The following EMC3 variants were observed in gnomAD, a reference collection of about 807,000 sequenced individuals.
The protein encoded by EMC3 is ER membrane protein complex subunit 3, also known as 30 kDa protein.
A neutral mutation model predicts 36.6 loss-of-function variants in EMC3; 13 were observed. The observed-to-expected ratio is 0.35, with a 90% CI of 0.23 to 0.56. The LOEUF (loss-of-function observed/expected upper bound fraction) is 0.56. Among genes scored for constraint, EMC3 ranks in the 20% least tolerant of loss-of-function variants. The probability of loss-of-function intolerance (pLI) is 0.84; values close to 1 mark genes in which losing one functional copy is unlikely to be tolerated. For missense variants in EMC3, 220 were observed against 324.5 expected (o/e 0.68, Z 2.47); for synonymous variants, 120 against 111.9 (o/e 1.07, Z -0.46).
At chr3:9,972,764 T>TG (rs2085800360) in intron 5 of EMC3, among the ~76,000 whole-genome samples, 1 of 149,734 alleles carries the variant, frequency 6.7e-6, no homozygotes, top group Non-Finnish European at 1.5e-5. Context: ...GACTCCGTCT[T>TG]GAAAAAAAAA....
chr3:10,005,749 G>A (rs1246891128), intron 1 of EMC3, among the ~76,000 whole-genome samples: 2 of 152,118 alleles, frequency 1.3e-5, no homozygotes, highest in African/African-American at 4.8e-5. Context: ...TGGTGGCCAT[G>A]GGATTTCAGG....
intron 1 of EMC3, chr3:10,009,761 C>A (rs1395603257): frequency 6.6e-6 from 1 of 152,334 alleles, no homozygotes; most frequent in African/African-American, 2.4e-5. Flanking sequence ...TCAGCCCACG[C>A]CCCCTGTCTG....
At chr3:9,997,883 G>A (rs1404957104) in intron 1 of EMC3, among the ~76,000 whole-genome samples, 4 of 152,074 alleles carry the variant, frequency 2.6e-5, no homozygotes, top group Non-Finnish European at 5.9e-5. Context: ...ATATTTGTTT[G>A]AGTCCCTGTT....
chr3:9,975,289 T>C (rs1239737557), intron 3 of EMC3, among the ~76,000 whole-genome samples: 1 of 152,194 alleles, frequency 6.6e-6, no homozygotes, highest in Non-Finnish European at 1.5e-5. Context: ...GACAATTATC[T>C]TGCACATACA....
chr3:9,984,407 T>A (rs2085947381), intron 1 of EMC3, among the ~76,000 whole-genome samples: 1 of 150,066 alleles, frequency 6.7e-6, no homozygotes, highest in Admixed American at 6.6e-5. Flanking sequence ...TCTGTTTTTT[T>A]GAGACAGAGT....
rs55857749 is a variant in EMC3 at position 10,002,860 on chromosome 3, C to G, written c.-242+8163G>C. 603 of 456,154 alleles carry G rather than the reference C, an allele frequency of 1.3e-3. 2 individuals are homozygous for G. The highest frequency in any genetic ancestry group is 0.011 in the African/African-American group (561 of 49,832). 28.3% of individuals were successfully genotyped at this position (456,154 alleles called of 1,614,324 possible). Reference sequence around the variant, plus strand: ...CAGTAGTGCAGACCCAGAAACCTCCCTGGCTCAACAAGGCCCCCAGCATGA... The same window carrying G: ...CAGTAGTGCAGACCCAGAAACCTCCGTGGCTCAACAAGGCCCCCAGCATGA... On this transcript the variant is annotated intron_variant, in intron 1 of 8. Transcript: ENST00000470827.
chr3:9,980,118 A>G (rs767643865), intron 1 of EMC3, among the ~76,000 whole-genome samples: 11 of 151,524 alleles, frequency 7.3e-5, no homozygotes, highest in Non-Finnish European at 1.3e-4. Flanking sequence ...AGTTCAAGCA[A>G]TTCTCCCGCC....
At position 9,976,996 on chromosome 3, in the gene EMC3, T is replaced by G; in HGVS notation, c.268A>C (p.Lys90Gln). 8 of 1,612,906 alleles carry G rather than the reference T, an allele frequency of 5.0e-6. No individual in the cohort carries two copies. Among genetic ancestry groups the G allele is most frequent in the Non-Finnish European group, 6.8e-6 (8 of 1,179,740 alleles). The change falls in exon 3 of 8, where the codon AAA becomes CAA. Residue 90 changes from lysine (K) to glutamine (Q), a missense_variant. Transcript: ENST00000245046. ...GGTGGCACTACCTTCCGTTTAGTTT[T>G]TTTGAAAAATCCATCCTCTGGGTTG... ...FNNPEDGFFKKTKRKVVPPSP... is the reference protein window; with the variant it reads ...FNNPEDGFFKQTKRKVVPPSP...
At chr3:9,978,859 C>A (rs1340650118) in intron 1 of EMC3, among the ~76,000 whole-genome samples, 3 of 151,670 alleles carry the variant, frequency 2.0e-5, no homozygotes, top group Admixed American at 6.6e-5. Context: ...AACAAACAAA[C>A]AAAAAAACTG....
At chr3:9,983,067 CAG>C (rs1186487559) in intron 1 of EMC3, among the ~76,000 whole-genome samples, 2 of 151,918 alleles carry the variant, frequency 1.3e-5, no homozygotes, top group Non-Finnish European at 2.9e-5. Flanking sequence ...CAATTATGAG[CAG>C]AGACATTTTC....
upstream of EMC3, chr3:9,987,392 T>C: frequency 1.5e-6 from 1 of 684,112 alleles, no homozygotes; most frequent in Non-Finnish European, 1.8e-6. Context: ...CTTCCTCATC[T>C]GCCCTGAGAT....
intron 1 of EMC3, among the ~76,000 whole-genome samples, chr3:9,998,290 C>T (rs541209667): frequency 4.7e-4 from 71 of 150,696 alleles, no homozygotes; most frequent in African/African-American, 1.6e-3. Flanking sequence ...GGTATGAACC[C>T]GGGAGGCAGA....
chr3:10,000,360 C>T (rs749878422), intron 1 of EMC3, among the ~76,000 whole-genome samples: 15 of 152,150 alleles, frequency 9.9e-5, no homozygotes, highest in Admixed American at 2.0e-4. Flanking sequence ...TTTAAGATGG[C>T]ACTCACCATC....
At chr3:9,985,892 C>T (rs1025228294) in intron 1 of EMC3, among the ~76,000 whole-genome samples, 1 of 152,114 alleles carries the variant, frequency 6.6e-6, no homozygotes, top group African/African-American at 2.4e-5. Context: ...GAAACTCCGT[C>T]TCAAAAATAA....
intron 1 of EMC3, chr3:10,003,581 G>A (rs2124940216): frequency 4.1e-6 from 1 of 246,850 alleles, no homozygotes; most frequent in South Asian, 5.3e-5. Flanking sequence ...CGTTCAGTGA[G>A]GTCCAGGATC....
At chr3:9,987,336 G>C (rs1019150898), upstream of EMC3, 7 of 985,130 alleles carry the variant, frequency 7.1e-6, no homozygotes, top group Admixed American at 4.3e-4. Context: ...TTAAGTCCGG[G>C]CCGCGGTCGG....
At chr3:9,988,105 T>G (rs1248385178), upstream of EMC3, 2 of 556,314 alleles carry the variant, frequency 3.6e-6, no homozygotes, top group Non-Finnish European at 6.5e-6. Context: ...TACTTACAAC[T>G]ACAAATAATG....
chr3:9,969,905 C>G, intron 6 of EMC3, 104 bp from the exon 7 acceptor site: 1 of 1,498,430 alleles, frequency 6.7e-7, no homozygotes, highest in Non-Finnish European at 8.9e-7. Flanking sequence ...GGACTACAGC[C>G]TCACTGGCTG....
intron 5 of EMC3, among the ~76,000 whole-genome samples, chr3:9,973,072 G>A (rs532967487): frequency 6.7e-4 from 102 of 151,244 alleles, no homozygotes; most frequent in African/African-American, 2.1e-3. Context: ...TGATCCGCCC[G>A]CCTCGGCCTC....
Sources: allele counts gnomAD v4.1 joint callset (sites outside exome capture counted in the v4.1 genomes callset), GRCh38; gene constraint gnomAD v4.1.1; transcripts MANE v1.5; gene names NCBI Gene and HGNC (gene_info 2026-07-23, HGNC 2026-07-21).